The following LCORL variants were observed in gnomAD, a reference collection of about 807,000 sequenced individuals.
LCORL encodes ligand-dependent nuclear receptor corepressor-like protein.
Under a neutral mutation model 141.8 loss-of-function variants are expected in LCORL, and 41 were observed. That is an observed-to-expected ratio of 0.29 (90% CI 0.23 to 0.38). LCORL has a LOEUF of 0.38. Ranked by LOEUF, LCORL falls within the 10% of genes least tolerant of loss-of-function variation. LCORL has a pLI of 1.00. For missense variants in LCORL, 1,759 were observed against 2,035.0 expected (o/e 0.86, Z 2.61); for synonymous variants, 618 against 694.1 (o/e 0.89, Z 1.72).
At chr4:17,908,344 T>G (rs547069752) in intron 5 of LCORL, among the ~76,000 whole-genome samples, 2 of 152,314 alleles carry the variant, frequency 1.3e-5, no homozygotes, top group East Asian at 3.9e-4. Flanking sequence ...ACTAGTATAT[T>G]CTTCTTAAGA....
intron 4 of LCORL, among the ~76,000 whole-genome samples, chr4:17,934,971 C>CAGT (rs1736619971): frequency 6.6e-6 from 1 of 152,122 alleles, no homozygotes; most frequent in African/African-American, 2.4e-5. Context: ...ATGTAACTAA[C>CAGT]TGCCCACTCA....
chr4:17,973,813 A>C (rs1243009265), intron 1 of LCORL, among the ~76,000 whole-genome samples: 1 of 151,998 alleles, frequency 6.6e-6, no homozygotes, highest in Non-Finnish European at 1.5e-5. Context: ...ACATCTCCAA[A>C]ATCAAGACTC....
intron 6 of LCORL, among the ~76,000 whole-genome samples, chr4:17,885,741 T>C (rs1037055830): frequency 6.6e-6 from 1 of 151,972 alleles, no homozygotes; most frequent in African/African-American, 2.4e-5. Context: ...ATTAATAAAT[T>C]ACATATTTCC....
At chr4:17,979,111 T>C (rs1380376459) in intron 1 of LCORL, among the ~76,000 whole-genome samples, 1 of 152,080 alleles carries the variant, frequency 6.6e-6, no homozygotes, top group African/African-American at 2.4e-5. Context: ...TGTGTTCTCA[T>C]TGTTCAATTC....
At chr4:17,863,958 C>T (rs975224484) in intron 7 of LCORL, among the ~76,000 whole-genome samples, 7 of 151,960 alleles carry the variant, frequency 4.6e-5, no homozygotes, top group African/African-American at 1.7e-4. Flanking sequence ...GAGTACACAT[C>T]GACCAAAGAA....
At chr4:17,842,167 CA>C in exon 8 of LCORL, 1 of 611,940 alleles carries the variant, frequency 1.6e-6, no homozygotes, top group Non-Finnish European at 2.9e-6. Context: ...TAACTGGTAC[CA>C]AGATGGCTAG....
chr4:17,895,903 T>C (rs759290498), intron 5 of LCORL, among the ~76,000 whole-genome samples: 3 of 152,246 alleles, frequency 2.0e-5, no homozygotes, highest in Non-Finnish European at 2.9e-5. Flanking sequence ...TACTATTCCA[T>C]TGTATGGATG....
exon 5 of LCORL, chr4:17,909,298 A>G: frequency 6.2e-7 from 1 of 1,610,070 alleles, no homozygotes; most frequent in Non-Finnish European, 8.5e-7. Flanking sequence ...TTTTTCATTA[A>G]TTCCTGAGCA....
chr4:17,970,740 A>G (rs1715768422), intron 2 of LCORL, among the ~76,000 whole-genome samples: 1 of 152,184 alleles, frequency 6.6e-6, no homozygotes, highest in African/African-American at 2.4e-5. Flanking sequence ...GATAATCCAC[A>G]AGTTCTCTGA....
chr4:17,909,369 A>G (rs976358821), intron 4 of LCORL, 24 bp from the exon 5 acceptor site: 4 of 1,501,382 alleles, frequency 2.7e-6, no homozygotes, highest in Admixed American at 2.3e-5. Flanking sequence ...AAATATAATA[A>G]TCATTTTAAA....
chr4:17,842,231 T>TTTAG (rs1344279006), exon 8 of LCORL: 2 of 1,222,330 alleles, frequency 1.6e-6, no homozygotes, highest in Admixed American at 1.8e-5. Context: ...AGACAAAGGA[T>TTTAG]TTAGTTAGCC....
At chr4:17,902,239 A>C (rs1379272925) in intron 5 of LCORL, among the ~76,000 whole-genome samples, 1 of 152,290 alleles carries the variant, frequency 6.6e-6, no homozygotes, top group East Asian at 1.9e-4. Context: ...ATATGAAGCC[A>C]TTAAAGGATT....
At chr4:18,005,267 A>G (rs1722614476) in intron 1 of LCORL, among the ~76,000 whole-genome samples, 1 of 152,168 alleles carries the variant, frequency 6.6e-6, no homozygotes, top group Non-Finnish European at 1.5e-5. Context: ...ACTCCATGTC[A>G]CACATCCAGG....
In LCORL at chr4:18,021,775, C is replaced by T. The variant is rs2109927350; in HGVS notation, c.-24G>A. Reference sequence around the variant, plus strand: ...ATCTGCGTCCCGCGTCACGCGCCCTCATTTACATACGAGCAGCGCAGGCAC... The same window carrying T: ...ATCTGCGTCCCGCGTCACGCGCCCTTATTTACATACGAGCAGCGCAGGCAC... On this transcript the variant is annotated 5_prime_UTR_variant, in exon 1 of 8. Transcript: ENST00000635767. This position sits in a 1 kb window ranked among gnomAD's most constrained non-coding sequence, Gnocchi z 5.5. 6.8e-7 allele frequency: 1 copy of T among 1,477,442 alleles called. No homozygotes were observed. The highest frequency in any genetic ancestry group is 2.7e-5 in the East Asian group (1 of 37,644). 91.5% of individuals were successfully genotyped at this position (1,477,442 alleles called of 1,614,324 possible).
chr4:17,847,708 A>G (rs1292645146), intron 7 of LCORL, among the ~76,000 whole-genome samples: 1 of 152,222 alleles, frequency 6.6e-6, no homozygotes, highest in African/African-American at 2.4e-5. Flanking sequence ...TATTATTAAA[A>G]TGTCCTCAGG....
At chr4:17,917,485 G>A (rs1005605366) in intron 4 of LCORL, among the ~76,000 whole-genome samples, 6 of 152,216 alleles carry the variant, frequency 3.9e-5, no homozygotes, top group Admixed American at 3.3e-4. Context: ...GAGCCACTGC[G>A]CCAGCTGAGA....
chr4:18,018,650 T>C (rs1442403218), intron 1 of LCORL, among the ~76,000 whole-genome samples: 1 of 152,162 alleles, frequency 6.6e-6, no homozygotes, highest in East Asian at 1.9e-4. Context: ...TTATATGAGT[T>C]ATAAAATGAA....
chr4:17,950,694 C>T (rs1739577835), intron 4 of LCORL, among the ~76,000 whole-genome samples: 1 of 151,588 alleles, frequency 6.6e-6, no homozygotes, highest in African/African-American at 2.4e-5. Flanking sequence ...ATGAAATGGA[C>T]AGTAGAAATG....
chr4:17,879,704 C>T (rs890578789), intron 6 of LCORL, among the ~76,000 whole-genome samples: 3 of 150,712 alleles, frequency 2.0e-5, no homozygotes, highest in African/African-American at 7.3e-5. Context: ...ATATTTTTTT[C>T]CAGCAAATTA....
Sources: allele counts gnomAD v4.1 joint callset (sites outside exome capture counted in the v4.1 genomes callset), GRCh38; gene constraint gnomAD v4.1.1; non-coding constraint Gnocchi (gnomAD v3.1); transcripts MANE v1.5; gene names NCBI Gene and HGNC (gene_info 2026-07-23, HGNC 2026-07-21).